The following EGFLAM variants were observed in gnomAD, a reference collection of about 807,000 sequenced individuals.
EGFLAM encodes pikachurin.
EGFLAM carries 79 observed loss-of-function variants against 113.1 expected under a neutral mutation model. The ratio of observed to expected loss-of-function variants is 0.70; its 90% CI spans 0.58 to 0.84. EGFLAM has a LOEUF of 0.84. EGFLAM is among the 40% of genes least tolerant of loss of function. EGFLAM has a pLI of 0.00. For synonymous variants in EGFLAM, 504 were observed against 487.6 expected, an observed-to-expected ratio of 1.03 and a Z score of -0.44; for missense variants, 1,265 against 1,291.6, an observed-to-expected ratio of 0.98 and a Z score of 0.32.
intron 1 of EGFLAM, among the ~76,000 whole-genome samples, chr5:38,309,916 A>G (rs1444030470): frequency 6.6e-6 from 1 of 152,170 alleles, no homozygotes; most frequent in African/African-American, 2.4e-5. Flanking sequence ...AGTAACACCA[A>G]ATGCCACTGC....
chr5:38,297,017 A>G (rs182816500), intron 1 of EGFLAM, among the ~76,000 whole-genome samples: 10 of 152,340 alleles, frequency 6.6e-5, no homozygotes, highest in African/African-American at 2.2e-4. Context: ...AAAATGTGTG[A>G]AAGTCATGAA....
At chr5:38,301,563 G>A (rs1027314651) in intron 1 of EGFLAM, among the ~76,000 whole-genome samples, 3 of 152,142 alleles carry the variant, frequency 2.0e-5, no homozygotes, top group Non-Finnish European at 4.4e-5. Context: ...TGGAGAAACA[G>A]GGTCAGGAGA....
intron 1 of EGFLAM, among the ~76,000 whole-genome samples, chr5:38,335,978 G>A (rs1332320108): frequency 6.6e-6 from 1 of 152,158 alleles, no homozygotes; most frequent in Non-Finnish European, 1.5e-5. Context: ...AATGTTTATT[G>A]TGCTTTTACC....
At chr5:38,297,809 T>G (rs1758482447) in intron 1 of EGFLAM, among the ~76,000 whole-genome samples, 1 of 152,196 alleles carries the variant, frequency 6.6e-6, no homozygotes, top group South Asian at 2.1e-4. Flanking sequence ...TACCAGTAAT[T>G]TCTCAGCTCT....
chr5:38,459,282 G>A (rs1743195601), intron 20 of EGFLAM, among the ~76,000 whole-genome samples: 6 of 151,590 alleles, frequency 4.0e-5, no homozygotes, highest in Admixed American at 3.9e-4. Context: ...TGGGATTACA[G>A]GCATGAGCCA....
chr5:38,422,887 C>T (rs189170101), intron 12 of EGFLAM, among the ~76,000 whole-genome samples: 15 of 152,290 alleles, frequency 9.8e-5, no homozygotes, highest in African/African-American at 3.1e-4. Context: ...TTTTCCTTCT[C>T]GGTTCACAGA....
chr5:38,385,835 G>A (rs1470637956), intron 6 of EGFLAM, among the ~76,000 whole-genome samples: 1 of 152,198 alleles, frequency 6.6e-6, no homozygotes, highest in African/African-American at 2.4e-5. Context: ...GATACATTCT[G>A]AGAAATGCAC....
At chr5:38,345,404 G>A (rs1011648553) in intron 3 of EGFLAM, 51 of 152,320 alleles carry the variant, frequency 3.3e-4, no homozygotes, top group African/African-American at 1.2e-3. Context: ...CCTGAAAGTC[G>A]CCTGAGCTTT....
intron 1 of EGFLAM, among the ~76,000 whole-genome samples, chr5:38,325,682 A>T (rs1424702523): frequency 1.3e-5 from 2 of 152,234 alleles, no homozygotes; most frequent in Non-Finnish European, 2.9e-5. Flanking sequence ...ATACTGGCGC[A>T]CTATATGGGT....
intron 1 of EGFLAM, among the ~76,000 whole-genome samples, chr5:38,327,228 C>G (rs1238879018): frequency 6.6e-6 from 1 of 152,194 alleles, no homozygotes; most frequent in Non-Finnish European, 1.5e-5. Context: ...GAGACAGCAC[C>G]ATTTGCTCCA....
At chr5:38,300,723 A>C (rs1473520089) in intron 1 of EGFLAM, among the ~76,000 whole-genome samples, 3 of 152,178 alleles carry the variant, frequency 2.0e-5, no homozygotes, top group Non-Finnish European at 2.9e-5. Flanking sequence ...TGAGAATAAA[A>C]ATAGAAACAG....
intron 6 of EGFLAM, among the ~76,000 whole-genome samples, chr5:38,385,966 T>A (rs1391114008): frequency 6.6e-6 from 1 of 152,184 alleles, no homozygotes; most frequent in East Asian, 1.9e-4. Context: ...GCTACAAACC[T>A]GAACAGAATG....
intron 1 of EGFLAM, among the ~76,000 whole-genome samples, chr5:38,317,139 A>G (rs1374927772): frequency 1.3e-5 from 2 of 152,232 alleles, no homozygotes; most frequent in Non-Finnish European, 2.9e-5. Flanking sequence ...TGTCAAAAAA[A>G]TATCTGTTTT....
Position 38,447,633 on chromosome 5 carries a change from G to A in EGFLAM, c.2465-668G>A, listed in dbSNP as rs374507324. Among the ~76,000 whole-genome samples the A allele has an allele frequency of 3.2e-3, 489 of 152,116 alleles. 4 individuals carry two copies. The highest frequency in any genetic ancestry group is 0.011 in the African/African-American group (473 of 41,470). The stretch of plus-strand genomic sequence containing the variant: ...TAGCCAGGCTTGGTGGCAGGTGCCT[G>A]TAATCCCAGCTACTTGAGAGGCTGA... On this transcript the variant is annotated intron_variant, in intron 17 of 21. Coordinates refer to ENST00000322350, the MANE Select transcript of EGFLAM (RefSeq NM_152403.4).
intron 6 of EGFLAM, among the ~76,000 whole-genome samples, chr5:38,399,281 T>TTTTTTC (rs1164574834): frequency 7.5e-6 from 1 of 133,566 alleles, no homozygotes; most frequent in Non-Finnish European, 1.5e-5. Flanking sequence ...GTTTTCGTTT[T>TTTTTTC]TTTTTTTTTT....
At chr5:38,452,126 T>A (rs1395549172) in intron 19 of EGFLAM, among the ~76,000 whole-genome samples, 1 of 150,288 alleles carries the variant, frequency 6.7e-6, no homozygotes, top group Non-Finnish European at 1.5e-5. Context: ...AACCTCTGCC[T>A]TCTGGGTTCA....
At chr5:38,297,541 C>T (rs1164345228) in intron 1 of EGFLAM, among the ~76,000 whole-genome samples, 1 of 152,112 alleles carries the variant, frequency 6.6e-6, no homozygotes, top group Non-Finnish European at 1.5e-5. Flanking sequence ...ACTTTGGATT[C>T]TGCACTGTGG....
rs1033321931 is a variant in EGFLAM, at chr5:38,464,033, C to A, written c.*47C>A. ...GGACAGAGCCTTCTATTCTGAGAAT[C>A]CCAGGGGCCCTCAGACCCTGCCTGA... On this transcript the variant is annotated 3_prime_UTR_variant, in exon 22 of 22. Transcript: ENST00000322350. 1.7e-5 allele frequency: 27 copies of A among 1,611,556 alleles called. No individual in the cohort carries two copies. The highest frequency in any genetic ancestry group is 4.0e-5 in the African/African-American group (3 of 74,888).
At chr5:38,455,293 G>T (rs2112276685) in intron 19 of EGFLAM, among the ~76,000 whole-genome samples, 1 of 152,320 alleles carries the variant, frequency 6.6e-6, no homozygotes, top group African/African-American at 2.4e-5. Flanking sequence ...ACAGCCTCTA[G>T]TGCACACCAA....
Sources: allele counts gnomAD v4.1 joint callset (sites outside exome capture counted in the v4.1 genomes callset), GRCh38; gene constraint gnomAD v4.1.1; transcripts MANE v1.5; gene names NCBI Gene and HGNC (gene_info 2026-07-23, HGNC 2026-07-21).